DAPP1: variants seen among roughly 807,000 people sequenced by gnomAD.
DAPP1 encodes dual adapter for phosphotyrosine and 3-phosphotyrosine and 3-phosphoinositide.
Under a neutral mutation model 41.5 loss-of-function variants are expected in DAPP1, and 20 were observed. The observed-to-expected ratio is 0.48, with a 90% CI of 0.34 to 0.70. DAPP1 has a LOEUF of 0.70. Ranked by LOEUF, DAPP1 falls within the 30% of genes least tolerant of loss-of-function variation. DAPP1 has a pLI of 0.01. For missense variants in DAPP1, 233 were observed against 333.4 expected, an observed-to-expected ratio of 0.70 and a Z score of 2.35; for synonymous variants, 113 against 116.2, an observed-to-expected ratio of 0.97 and a Z score of 0.18.
chr4:99,835,012 A>AT (rs34131192), intron 1 of DAPP1, among the ~76,000 whole-genome samples: 6 of 143,976 alleles, frequency 4.2e-5, no homozygotes, highest in African/African-American at 1.5e-4. Flanking sequence ...TAATGACCTC[A>AT]TTTTTTTTTT....
intron 2 of DAPP1, among the ~76,000 whole-genome samples, chr4:99,837,020 G>T (rs553326216): frequency 6.6e-6 from 1 of 151,984 alleles, no homozygotes; most frequent in Non-Finnish European, 1.5e-5. Flanking sequence ...ACTCCTAGAC[G>T]CCACCCACAG....
intron 8 of DAPP1, among the ~76,000 whole-genome samples, chr4:99,867,298 T>G (rs1276535812): frequency 6.6e-6 from 1 of 152,236 alleles, no homozygotes; most frequent in Non-Finnish European, 1.5e-5. Context: ...CTTTCTATTT[T>G]TAATTATCAA....
chr4:99,826,495 G>GA (rs1185749607), intron 1 of DAPP1, among the ~76,000 whole-genome samples: 1 of 152,078 alleles, frequency 6.6e-6, no homozygotes, highest in Non-Finnish European at 1.5e-5. Flanking sequence ...TCCAGGCAGG[G>GA]AAAAATATAT....
chr4:99,831,974 A>T (rs934412725), intron 1 of DAPP1, among the ~76,000 whole-genome samples: 2 of 54,098 alleles, frequency 3.7e-5, no homozygotes, highest in Non-Finnish European at 8.4e-5. Context: ...ACACAACCTT[A>T]AAAAAAAAAA....
rs1311213031 is a variant in DAPP1, at chr4:99,869,586, T to C, written c.*1401T>C. ...AATGTATTTTGTTATGTTTGTATTA[T>C]ATAGGATAAAGCAAATGTCAAGTTA... On this transcript the variant is annotated 3_prime_UTR_variant, in exon 9 of 9. Transcript: ENST00000512369. 1 of 152,230 alleles carries C rather than the reference T, an allele frequency of 6.6e-6. No homozygotes were observed. Among genetic ancestry groups the C allele is most frequent in the African/African-American group, 2.4e-5 (1 of 41,460 alleles). 9.4% of individuals were successfully genotyped at this position (152,230 alleles called of 1,614,324 possible). A position where few individuals can be genotyped will look rare whatever the true frequency, so the allele number is the denominator to read the frequency against.
At chr4:99,829,518 C>A (rs1243486873) in intron 1 of DAPP1, among the ~76,000 whole-genome samples, 1 of 151,946 alleles carries the variant, frequency 6.6e-6, no homozygotes, top group Admixed American at 6.6e-5. Context: ...GGCATTCTTA[C>A]TAGTCACCTT....
At chr4:99,850,687 A>C (rs1211443320) in intron 3 of DAPP1, among the ~76,000 whole-genome samples, 1 of 152,188 alleles carries the variant, frequency 6.6e-6, no homozygotes, top group African/African-American at 2.4e-5. Context: ...ATAGTTAATC[A>C]CAAGTAGTGA....
intron 3 of DAPP1, among the ~76,000 whole-genome samples, chr4:99,846,123 G>T (rs1723656277): frequency 6.6e-6 from 1 of 152,108 alleles, no homozygotes; most frequent in Non-Finnish European, 1.5e-5. Flanking sequence ...ACTGAGGCCT[G>T]GTTAGAAATG....
chr4:99,833,807 G>A (rs1054635133), intron 1 of DAPP1, among the ~76,000 whole-genome samples: 17 of 152,192 alleles, frequency 1.1e-4, no homozygotes, highest in African/African-American at 3.9e-4. Context: ...TGCCACAGAG[G>A]GTAAATTGAA....
intron 8 of DAPP1, among the ~76,000 whole-genome samples, chr4:99,867,842 T>G (rs942347941): frequency 2.6e-5 from 4 of 152,192 alleles, no homozygotes; most frequent in African/African-American, 9.6e-5. Context: ...ACTCATTGAA[T>G]AGTATTGCAT....
At chr4:99,859,834 G>T (rs962790239) in intron 4 of DAPP1, among the ~76,000 whole-genome samples, 10 of 152,112 alleles carry the variant, frequency 6.6e-5, no homozygotes, top group African/African-American at 2.4e-4. Flanking sequence ...CACCCTGCCA[G>T]GCTTCAATGC....
chr4:99,866,766 A>ATTT (rs11315402), intron 8 of DAPP1: 123 of 372,240 alleles, frequency 3.3e-4, no homozygotes, highest in Admixed American at 6.1e-4. Flanking sequence ...CTTTTTTTCT[A>ATTT]TTTTTTTTTT....
intron 1 of DAPP1, among the ~76,000 whole-genome samples, chr4:99,817,428 A>C (rs1722625628): frequency 6.6e-6 from 1 of 152,226 alleles, no homozygotes; most frequent in South Asian, 2.1e-4. Context: ...TAAGATAAAC[A>C]GAAAGCTTAC....
At chr4:99,859,497 G>A (rs953678428) in intron 4 of DAPP1, among the ~76,000 whole-genome samples, 2 of 152,016 alleles carry the variant, frequency 1.3e-5, no homozygotes, top group African/African-American at 4.8e-5. Context: ...TTTATCTGTC[G>A]ATTCATTCAT....
chr4:99,862,671 A>G (rs1724279202), intron 5 of DAPP1, among the ~76,000 whole-genome samples: 1 of 152,172 alleles, frequency 6.6e-6, no homozygotes, highest in African/African-American at 2.4e-5. Context: ...AATATTTATG[A>G]TAGACTAATT....
intron 3 of DAPP1, 26 bp from the exon 4 acceptor site, chr4:99,853,192 A>G (rs779751999): frequency 6.2e-7 from 1 of 1,613,242 alleles, no homozygotes; most frequent in East Asian, 2.2e-5. Context: ...ACACTGTTCG[A>G]TTATATATTT....
At chr4:99,861,866 A>G (rs144264616) in intron 5 of DAPP1, among the ~76,000 whole-genome samples, 2 of 152,352 alleles carry the variant, frequency 1.3e-5, no homozygotes, top group Non-Finnish European at 2.9e-5. Context: ...AAAAGTCAAT[A>G]AAACATAGTC....
At chr4:99,861,533 C>G (rs551049907) in intron 4 of DAPP1, 45 bp from the exon 5 acceptor site, 11 of 1,542,642 alleles carry the variant, frequency 7.1e-6, no homozygotes, top group Non-Finnish European at 9.7e-6. Context: ...GACAAACGTC[C>G]TGTTGTGACA....
At chr4:99,831,103 T>C (rs1431777310) in intron 1 of DAPP1, among the ~76,000 whole-genome samples, 1 of 152,200 alleles carries the variant, frequency 6.6e-6, no homozygotes, top group African/African-American at 2.4e-5. Context: ...AAACTCTTAT[T>C]TTATGTTTTT....
Sources: gnomAD v4.1 joint callset for allele counts (sites outside exome capture counted in the v4.1 genomes callset) on GRCh38, gnomAD v4.1.1 for gene constraint, MANE v1.5 for transcripts, NCBI Gene and HGNC (gene_info 2026-07-23, HGNC 2026-07-21) for gene names.